COL17A1: variants seen among roughly 807,000 people sequenced by gnomAD.
COL17A1 encodes the protein collagen type XVII alpha 1 chain.
Under a neutral mutation model 218.4 loss-of-function variants are expected in COL17A1, and 181 were observed. The observed-to-expected ratio is 0.83, with a 90% confidence interval of 0.73 to 0.94. The LOEUF (loss-of-function observed/expected upper bound fraction) is 0.94. COL17A1 is among the 40% of genes least tolerant of loss of function. COL17A1 has a pLI of 0.00. For synonymous variants in COL17A1, 721 were observed against 731.0 expected (o/e 0.99, Z 0.22); for missense variants, 1,924 against 1,945.9 (o/e 0.99, Z 0.21).
At chr10:104,059,789 C>G in intron 14 of COL17A1, 71 bp from the exon 15 acceptor site, 5 of 1,492,426 alleles carry the variant, frequency 3.4e-6, no homozygotes, top group East Asian at 2.3e-5. Flanking sequence ...GTGTTCCCCC[C>G]GCCCTTGCCC....
Position 104,034,249 on chromosome 10 carries a change from C to A in COL17A1, c.3852G>T (p.Thr1284=), listed in dbSNP as rs372395647. 1 of 1,609,486 alleles carries A rather than the reference C, an allele frequency of 6.2e-7. No individual in the cohort carries two copies. The highest frequency in any genetic ancestry group is 8.5e-7 in the Non-Finnish European group (1 of 1,178,854). The change falls in exon 52 of 56, where the codon ACG becomes ACT. Residue 1284 remains threonine (T), a synonymous_variant. Coordinates refer to ENST00000648076, the MANE Select transcript of COL17A1 (RefSeq NM_000494.4). ...TGCTACCCCGACTGTGGGAGGCATC[C>A]GTGGACAGGAGGCGGCTGTCCCCAG... ...GPPGDSRLLS[T]DASHSRGSSS... is the part of the protein sequence containing the mutation.
At chr10:104,062,421 G>T in intron 11 of COL17A1, 92 bp from the exon 12 acceptor site, 2 of 1,549,876 alleles carry the variant, frequency 1.3e-6, no homozygotes, top group Non-Finnish European at 1.8e-6. Context: ...CCACTTTCAT[G>T]ATCAATGGTT....
At position 104,046,739 on chromosome 10, in the gene COL17A1, C is replaced by T. The variant is rs778125834; in HGVS notation, c.2362+8G>A. ...GAGACAGCAGGTGGGAATGATCCAG[C>T]GACTCACCCTGAGGTCCCTGGGGTC... On this transcript the variant is annotated splice_region_variant and intron_variant, in intron 32 of 55. Coordinates refer to ENST00000648076, the MANE Select transcript of COL17A1 (RefSeq NM_000494.4). 26 of 1,613,644 alleles carry T rather than the reference C, an allele frequency of 1.6e-5. No individual in the cohort carries two copies. The highest frequency in any genetic ancestry group is 3.3e-4 in the Middle Eastern group (2 of 6,062).
chr10:104,080,687 G>A lies in COL17A1; in HGVS notation c.-11-3C>T. 2 of 1,613,042 alleles carry A rather than the reference G, an allele frequency of 1.2e-6. No homozygotes were observed. Among genetic ancestry groups the A allele is most frequent in the Non-Finnish European group, 1.7e-6 (2 of 1,179,936 alleles). On this transcript the variant is annotated splice_region_variant and splice_polypyrimidine_tract_variant and intron_variant, in intron 1 of 55. Transcript: ENST00000648076. ...GGTTACATCCATACCATAGCCACCT[G>A]CAGGAAAAATCAGAAACCATGATAG...
chr10:104,031,385 T>TAAAG lies in COL17A1; in HGVS notation c.*846_*849dup, dbSNP rs1278706062. ...ATGTTTTTAGACATTGAAAAGTGGT[T>TAAAG]AAAGACCAACTGCGCCCAGTCCCCC... On this transcript the variant is annotated 3_prime_UTR_variant, in exon 56 of 56. Transcript: ENST00000648076. The TAAAG allele has an allele frequency of 2.0e-5, 3 of 152,730 alleles. No individual in the cohort carries two copies. In the East Asian group the frequency reaches 5.8e-4, roughly 29 times the overall value. The allele number at this position is 152,730 out of a possible 1,614,324, so 9.5% of individuals were successfully genotyped here.
At chr10:104,066,591 A>G (rs1471851232) in intron 9 of COL17A1, among the ~76,000 whole-genome samples, 2 of 152,216 alleles carry the variant, frequency 1.3e-5, no homozygotes, top group Non-Finnish European at 2.9e-5. Context: ...AAAAGAGCAT[A>G]GTAAAAAGCC....
chr10:104,070,828 A>T lies in COL17A1; in HGVS notation c.464-259T>A, dbSNP rs74154729. On this transcript the variant is annotated intron_variant, in intron 8 of 55. Transcript: ENST00000648076. ...CAAGGTGCTTGGGAGATATTTCCTA[A>T]TTAGACCTCATCAAACATCACAGGA... Among the ~76,000 whole-genome samples the T allele has an allele frequency of 0.023, 3,512 of 152,270 alleles. 141 individuals carry two copies. The highest frequency in any genetic ancestry group is 0.08 in the African/African-American group (3,309 of 41,536).
intron 26 of COL17A1, 77 bp from the exon 27 acceptor site, chr10:104,050,733 G>C: frequency 6.2e-7 from 1 of 1,614,110 alleles, no homozygotes; most frequent in Non-Finnish European, 8.5e-7. Flanking sequence ...TGTCTCTGAA[G>C]ACAGGCTCCC....
chr10:104,083,226 T>C (rs2086780019), intron 1 of COL17A1, among the ~76,000 whole-genome samples: 1 of 152,230 alleles, frequency 6.6e-6, no homozygotes, highest in Admixed American at 6.5e-5. Context: ...TAAGTGCTGA[T>C]AGTTTTTAAA....
At chr10:104,047,876 G>T in intron 30 of COL17A1, 66 bp from the exon 31 acceptor site, 5 of 1,468,112 alleles carry the variant, frequency 3.4e-6, no homozygotes, top group South Asian at 2.3e-5. Context: ...TATCACATCT[G>T]AACTGATAGT....
At position 104,036,135 on chromosome 10, in the gene COL17A1, T is replaced by A. The variant is rs376542956; in HGVS notation, c.3418+357A>T. Among the ~76,000 whole-genome samples the A allele has an allele frequency of 4.3e-3, 9 of 2,080 alleles. 4 individuals carry two copies. Among genetic ancestry groups the A allele is most frequent in the Admixed American group, 0.01 (2 of 198 alleles). The allele number at this position is 2,080 out of a possible 152,430, so 1.4% of individuals were successfully genotyped here. A position where few individuals can be genotyped will look rare whatever the true frequency, so the allele number is the denominator to read the frequency against. On this transcript the variant is annotated intron_variant, in intron 48 of 55. Coordinates refer to ENST00000648076, the MANE Select transcript of COL17A1 (RefSeq NM_000494.4). ...GTGTGTATGGGAGTGTGTGTATATG[T>A]GTGTGTATGGGTGTATGGGAGTGTG...
intron 15 of COL17A1, among the ~76,000 whole-genome samples, chr10:104,058,947 C>A (rs201437651): frequency 1.4e-5 from 2 of 143,068 alleles, no homozygotes; most frequent in East Asian, 2.1e-4. Flanking sequence ...AAAAAAAAAA[C>A]AAAAAAAGAA....
chr10:104,076,155 T>A, intron 5 of COL17A1, 146 bp downstream of exon 5: 1 of 1,293,550 alleles, frequency 7.7e-7, no homozygotes, highest in Non-Finnish European at 1.1e-6. Flanking sequence ...AGTCTTCAAG[T>A]AATGGAAGTC....
At chr10:104,050,726 C>A in intron 26 of COL17A1, 70 bp from the exon 27 acceptor site, 1 of 1,614,114 alleles carries the variant, frequency 6.2e-7, no homozygotes, top group South Asian at 1.1e-5. Flanking sequence ...CAATGTCTGT[C>A]TCTGAAGACA....
In COL17A1 at chr10:104,040,351, C is replaced by G; in HGVS notation, c.2761G>C (p.Gly921Arg). 1 of 1,604,042 alleles carries G rather than the reference C, an allele frequency of 6.2e-7. No individual in the cohort carries two copies. Among genetic ancestry groups the G allele is most frequent in the Non-Finnish European group, 8.5e-7 (1 of 1,170,764 alleles). Residue 921 changes from glycine to arginine, a missense_variant and splice_region_variant, in exon 40 of 56, where the codon GGT becomes CGT. Transcript: ENST00000648076. ...GGGTTCCCTGATACACTGTTCTCAC[C>G]TTGGTCTCCCTTGGGACCTGGGGGG... ...PGPPGPKGDQ[G>R]PPGPRGHQGE...
At chr10:104,059,587 A>C in intron 15 of COL17A1, 51 bp downstream of exon 15, 2 of 1,539,346 alleles carry the variant, frequency 1.3e-6, no homozygotes, top group Non-Finnish European at 1.8e-6. Flanking sequence ...CAATGAAATG[A>C]AATGTGGCCT....
intron 1 of COL17A1, among the ~76,000 whole-genome samples, chr10:104,081,456 G>A (rs1024848719): frequency 5.3e-5 from 8 of 152,182 alleles, no homozygotes; most frequent in Admixed American, 3.9e-4. Flanking sequence ...GATGGTATGA[G>A]GCAGGGCTGT....
At chr10:104,067,783 AAAG>A (rs771209410) in intron 9 of COL17A1, among the ~76,000 whole-genome samples, 45 of 152,282 alleles carry the variant, frequency 3.0e-4, no homozygotes, top group South Asian at 8.3e-4. Context: ...GCGCCCAGAG[AAAG>A]AAGAAGAAAC....
intron 33 of COL17A1, among the ~76,000 whole-genome samples, chr10:104,044,961 G>A (rs1032918888): frequency 1.3e-5 from 2 of 152,140 alleles, no homozygotes; most frequent in African/African-American, 2.4e-5. Context: ...ATCAGTCATT[G>A]GAAATGATTT....
Sources: gnomAD v4.1 joint callset for allele counts (sites outside exome capture counted in the v4.1 genomes callset) on GRCh38, gnomAD v4.1.1 for gene constraint, MANE v1.5 for transcripts, NCBI Gene and HGNC (gene_info 2026-07-23, HGNC 2026-07-21) for gene names.